Variants in ASTN2 observed in about 807,000 individuals in gnomAD.
The protein encoded by ASTN2 is astrotactin 2, also known as astrotactin-2.
A neutral mutation model predicts 139.8 loss-of-function variants in ASTN2; 54 were observed. That is an observed-to-expected ratio of 0.39 (90% CI 0.31 to 0.48). The LOEUF (loss-of-function observed/expected upper bound fraction) is 0.48, where lower values mean the gene tolerates loss of function less well. Ranked by LOEUF, ASTN2 falls within the 20% of genes least tolerant of loss-of-function variation. ASTN2 has a pLI of 0.95. For synonymous variants in ASTN2, 756 were observed against 719.5 expected (o/e 1.05, Z -0.81); for missense variants, 1,565 against 1,725.1 (o/e 0.91, Z 1.64).
intron 2 of ASTN2, among the ~76,000 whole-genome samples, chr9:117,281,488 C>T (rs1403792266): frequency 6.6e-6 from 1 of 152,194 alleles, no homozygotes; most frequent in Non-Finnish European, 1.5e-5. Flanking sequence ...AGCTCACTTT[C>T]CATTTTTACT....
At chr9:116,429,712 C>A (rs1847435719) in intron 22 of ASTN2, among the ~76,000 whole-genome samples, 1 of 152,178 alleles carries the variant, frequency 6.6e-6, no homozygotes, top group Admixed American at 6.5e-5. Context: ...CTAGTTTAAG[C>A]CTTGGGTATC....
chr9:117,074,119 A>G (rs1413766205), intron 5 of ASTN2, among the ~76,000 whole-genome samples: 2 of 152,090 alleles, frequency 1.3e-5, no homozygotes, highest in Admixed American at 1.3e-4. Context: ...TTAATAGTAC[A>G]GGAATGGGGT....
At chr9:117,079,538 CACA>C (rs1374376799) in intron 5 of ASTN2, among the ~76,000 whole-genome samples, 1 of 152,150 alleles carries the variant, frequency 6.6e-6, no homozygotes, top group East Asian at 1.9e-4. Context: ...GCCCTTTACT[CACA>C]ACATCATGCT....
chr9:117,183,384 ATAAC>A (rs1331247936), intron 3 of ASTN2, among the ~76,000 whole-genome samples: 1 of 152,230 alleles, frequency 6.6e-6, no homozygotes, highest in Non-Finnish European at 1.5e-5. Flanking sequence ...ATGCACTATA[ATAAC>A]TAACATTAAT....
intron 17 of ASTN2, among the ~76,000 whole-genome samples, chr9:116,633,233 T>C: frequency 6.6e-6 from 1 of 152,216 alleles, no homozygotes. Flanking sequence ...AGTAGCCTCA[T>C]CCATCTAATC....
At chr9:116,656,257 C>T (rs758466287) in intron 16 of ASTN2, among the ~76,000 whole-genome samples, 6 of 152,038 alleles carry the variant, frequency 3.9e-5, no homozygotes, top group Non-Finnish European at 8.8e-5. Context: ...CATCGATGAA[C>T]CTAAGAGCCA....
At chr9:116,748,123 G>C (rs2132148958) in intron 13 of ASTN2, among the ~76,000 whole-genome samples, 1 of 152,196 alleles carries the variant, frequency 6.6e-6, no homozygotes, top group Non-Finnish European at 1.5e-5. Flanking sequence ...GATGTGGCTG[G>C]AGAAAAGTCA....
At chr9:116,703,593 G>A (rs1307453380) in intron 16 of ASTN2, among the ~76,000 whole-genome samples, 3 of 151,316 alleles carry the variant, frequency 2.0e-5, no homozygotes, top group Non-Finnish European at 4.4e-5. Flanking sequence ...GGGGGAGTGG[G>A]GAGGGGTAGC....
At chr9:116,994,931 C>G (rs1438972062) in intron 7 of ASTN2, among the ~76,000 whole-genome samples, 1 of 152,160 alleles carries the variant, frequency 6.6e-6, no homozygotes, top group East Asian at 1.9e-4. Flanking sequence ...CTTTATCTAG[C>G]TCAGTCCTCA....
At chr9:117,217,202 C>T (rs1832351684) in intron 2 of ASTN2, among the ~76,000 whole-genome samples, 2 of 152,188 alleles carry the variant, frequency 1.3e-5, no homozygotes, top group Non-Finnish European at 2.9e-5. Context: ...TCCAGATGTG[C>T]AATGGGTGCA....
intron 19 of ASTN2, among the ~76,000 whole-genome samples, chr9:116,512,028 T>C (rs542103215): frequency 6.6e-6 from 1 of 152,332 alleles, no homozygotes; most frequent in East Asian, 1.9e-4. Flanking sequence ...ATCTTAGTTA[T>C]TTCTTGCCTT....
At chr9:116,874,541 A>G (rs1281764156) in intron 10 of ASTN2, among the ~76,000 whole-genome samples, 1 of 152,192 alleles carries the variant, frequency 6.6e-6, no homozygotes, top group African/African-American at 2.4e-5. Flanking sequence ...TGTGTGATGG[A>G]GGCAATAATA....
intron 13 of ASTN2, among the ~76,000 whole-genome samples, chr9:116,803,512 ATATATATATATTTTT>A (rs1830941553): frequency 1.3e-4 from 1 of 7,532 alleles, no homozygotes; most frequent in East Asian, 0.01. Flanking sequence ...ATATATATAT[ATATATATATATTTTT>A]TTTTTTTTTT....
intron 19 of ASTN2, among the ~76,000 whole-genome samples, chr9:116,492,980 T>C (rs1588111464): frequency 6.6e-6 from 1 of 152,356 alleles, no homozygotes. Context: ...CTATTTTATA[T>C]ACTAGCGGTC....
At chr9:116,877,444 C>G (rs1023949417) in intron 10 of ASTN2, among the ~76,000 whole-genome samples, 1 of 152,166 alleles carries the variant, frequency 6.6e-6, no homozygotes, top group Non-Finnish European at 1.5e-5. Flanking sequence ...TATGTTATAT[C>G]TGTATCTATG....
At chr9:116,474,593 G>T (rs896198358) in intron 20 of ASTN2, among the ~76,000 whole-genome samples, 1 of 152,184 alleles carries the variant, frequency 6.6e-6, no homozygotes, top group East Asian at 1.9e-4. Context: ...ATGGAGATGG[G>T]CATAGGGGGA....
chr9:117,120,014 G>GTATA (rs1470198393), intron 4 of ASTN2, among the ~76,000 whole-genome samples: 87 of 35,318 alleles, frequency 2.5e-3, no homozygotes, highest in South Asian at 8.1e-3. Flanking sequence ...GTGTGTGTGT[G>GTATA]TGTGTATATA....
At chr9:116,615,815 GT>G (rs1855821512) in intron 19 of ASTN2, among the ~76,000 whole-genome samples, 1 of 151,908 alleles carries the variant, frequency 6.6e-6, no homozygotes, top group African/African-American at 2.4e-5. Context: ...CATGGCACAT[GT>G]ATACATATGT....
intron 19 of ASTN2, among the ~76,000 whole-genome samples, chr9:116,600,887 C>T (rs1335585426): frequency 6.6e-6 from 1 of 152,078 alleles, no homozygotes; most frequent in Non-Finnish European, 1.5e-5. Context: ...TTCACTACTG[C>T]CTGTTCACAC....
Sources: gnomAD v4.1 joint callset for allele counts (sites outside exome capture counted in the v4.1 genomes callset) on GRCh38, gnomAD v4.1.1 for gene constraint, MANE v1.5 for transcripts, NCBI Gene and HGNC (gene_info 2026-07-23, HGNC 2026-07-21) for gene names.